The following WDR26 variants were observed in gnomAD, a reference collection of about 807,000 sequenced individuals.
The protein encoded by WDR26 is WD repeat-containing protein 26.
Under a neutral mutation model 84.1 loss-of-function variants are expected in WDR26, and 5 were observed. The observed-to-expected ratio is 0.06, with a 90% confidence interval of 0.03 to 0.13. The LOEUF is 0.13. Ranked by LOEUF, WDR26 falls within the 10% of genes least tolerant of loss-of-function variation. WDR26 has a pLI of 1.00. For missense variants in WDR26, 642 were observed against 974.9 expected (o/e 0.66, Z 4.55); for synonymous variants, 415 against 389.6 (o/e 1.07, Z -0.77).
intron 7 of WDR26, among the ~76,000 whole-genome samples, chr1:224,407,461 AACAC>A (rs370392971): frequency 1.3e-5 from 2 of 148,280 alleles, no homozygotes; most frequent in Non-Finnish European, 3.0e-5. Context: ...TCTCCATTAA[AACAC>A]ACACACACGT....
chr1:224,424,388 C>G (rs1674152486), intron 4 of WDR26, 130 bp downstream of exon 4: 6 of 1,221,594 alleles, frequency 4.9e-6, no homozygotes, highest in Non-Finnish European at 6.8e-6. Flanking sequence ...TTGATCCACA[C>G]AGGAGTGAGT....
At chr1:224,432,504 C>T (rs1483578459) in intron 1 of WDR26, among the ~76,000 whole-genome samples, 1 of 152,162 alleles carries the variant, frequency 6.6e-6, no homozygotes, top group Non-Finnish European at 1.5e-5. Flanking sequence ...GTATTTTCTT[C>T]CCTCATGTAT....
intron 3 of WDR26, 77 bp downstream of exon 3, chr1:224,431,398 TAA>T (rs764782786): frequency 6.2e-6 from 8 of 1,285,706 alleles, no homozygotes; most frequent in South Asian, 2.6e-5. Flanking sequence ...TATTTTTTTA[TAA>T]GAGGCAGAAG....
chr1:224,396,416 G>A (rs1673262137), intron 12 of WDR26, among the ~76,000 whole-genome samples: 1 of 152,000 alleles, frequency 6.6e-6, no homozygotes, highest in African/African-American at 2.4e-5. Flanking sequence ...TAAACAGGAG[G>A]AATTTAAAAG....
At chr1:224,432,580 T>C (rs1370910031) in intron 1 of WDR26, among the ~76,000 whole-genome samples, 3 of 152,234 alleles carry the variant, frequency 2.0e-5, no homozygotes, top group African/African-American at 4.8e-5. Context: ...GCTTTCTTAT[T>C]CAGCTTTAAA....
At chr1:224,409,377 T>C (rs984978080) in intron 7 of WDR26, among the ~76,000 whole-genome samples, 5 of 152,208 alleles carry the variant, frequency 3.3e-5, no homozygotes, top group Non-Finnish European at 7.3e-5. Context: ...GTGCTTTGAT[T>C]TATGCATTTA....
chr1:224,432,218 G>A (rs768889765), intron 1 of WDR26, among the ~76,000 whole-genome samples: 1 of 152,180 alleles, frequency 6.6e-6, no homozygotes, highest in Non-Finnish European at 1.5e-5. Context: ...ATATTGCATA[G>A]AAATTCTACT....
intron 8 of WDR26, among the ~76,000 whole-genome samples, chr1:224,401,695 A>AG (rs5781367): frequency 0.13 from 12,903 of 102,662 alleles, 965 homozygotes; most frequent in Non-Finnish European, 0.17. Flanking sequence ...AAAAAGAAAA[A>AG]AAAAAAGAAA....
At chr1:224,407,349 G>A (rs1263099020) in intron 7 of WDR26, among the ~76,000 whole-genome samples, 1 of 147,626 alleles carries the variant, frequency 6.8e-6, no homozygotes, top group East Asian at 2.0e-4. Context: ...CGGGGAATGG[G>A]TAAAATTCAT....
chr1:224,399,839 G>A (rs1673361515), intron 9 of WDR26, among the ~76,000 whole-genome samples: 1 of 152,180 alleles, frequency 6.6e-6, no homozygotes, highest in South Asian at 2.1e-4. Flanking sequence ...GGGTGTGGTA[G>A]CTCATGCCTA....
intron 3 of WDR26, among the ~76,000 whole-genome samples, chr1:224,428,742 CAA>C (rs11452219): frequency 3.7e-5 from 5 of 136,098 alleles, no homozygotes; most frequent in Non-Finnish European, 1.6e-5. Context: ...ACTAAAAATA[CAA>C]AAAAAAAAAA....
rs773321446 is a variant in WDR26, at chr1:224,411,553, T to G, written c.1332A>C (p.Pro444=). Residue 444 remains proline, a synonymous_variant, in exon 7 of 14, where the codon CCA becomes CCC. Transcript: ENST00000414423. ...CCGTAAGTATCTGCTGCGTATAACATGGGAACTGCCTCCTAAAACAAAGAG... is the reference window on the plus strand; with the variant it reads ...CCGTAAGTATCTGCTGCGTATAACAGGGGAACTGCCTCCTAAAACAAAGAG... The G allele has an allele frequency of 1.9e-6, 3 of 1,604,900 alleles. No homozygotes were observed. In the South Asian group the frequency reaches 3.4e-5, roughly 18 times the overall value.
intron 3 of WDR26, among the ~76,000 whole-genome samples, chr1:224,428,520 A>T (rs1674293595): frequency 6.6e-6 from 1 of 152,192 alleles, no homozygotes; most frequent in African/African-American, 2.4e-5. Flanking sequence ...ATTTCTAGAC[A>T]TAAAAAAAGT....
intron 5 of WDR26, 102 bp from the exon 6 acceptor site, chr1:224,418,518 G>T: frequency 8.9e-7 from 1 of 1,124,408 alleles, no homozygotes. Flanking sequence ...TACCCCAATA[G>T]TATCTATTCC....
intron 6 of WDR26, among the ~76,000 whole-genome samples, chr1:224,412,625 TA>T (rs917458506): frequency 3.3e-5 from 5 of 151,772 alleles, no homozygotes; most frequent in African/African-American, 7.3e-5. Context: ...AGCACTCATT[TA>T]AAAAAAAATC....
chr1:224,424,458 G>A lies in WDR26; in HGVS notation c.1064+60C>T, dbSNP rs573642314. The A allele has an allele frequency of 8.2e-6, 13 of 1,575,978 alleles. No homozygotes were observed. The East Asian group carries it at 2.9e-4, about 35-fold the overall frequency. ...TCAAGATTTTATATTTTGGAAAAATGTTAAAGAAATATAACTTTGGCCCTC... is the reference window on the plus strand; with the variant it reads ...TCAAGATTTTATATTTTGGAAAAATATTAAAGAAATATAACTTTGGCCCTC... On this transcript the variant is annotated intron_variant, in intron 4 of 13. Transcript: ENST00000414423.
At chr1:224,397,744 A>G (rs2102890405) in intron 12 of WDR26, 1 of 183,848 alleles carries the variant, frequency 5.4e-6, no homozygotes, top group South Asian at 1.1e-4. Context: ...CAGTCCCATG[A>G]AAATACAAGT....
chr1:224,410,544 A>G (rs1673707955), intron 7 of WDR26, among the ~76,000 whole-genome samples: 1 of 152,050 alleles, frequency 6.6e-6, no homozygotes, highest in Admixed American at 6.6e-5. Context: ...TACTTTTCAT[A>G]TATATCAATG....
intron 3 of WDR26, among the ~76,000 whole-genome samples, chr1:224,426,910 C>T (rs1001654807): frequency 4.6e-5 from 7 of 150,964 alleles, no homozygotes; most frequent in African/African-American, 1.7e-4. Flanking sequence ...GCCTGACAAA[C>T]ATGGTGAAAC....
Sources: allele counts gnomAD v4.1 joint callset (sites outside exome capture counted in the v4.1 genomes callset), GRCh38; gene constraint gnomAD v4.1.1; transcripts MANE v1.5; gene names NCBI Gene and HGNC (gene_info 2026-07-23, HGNC 2026-07-21).